Variants in ESRRG observed in about 807,000 individuals in gnomAD.
ESRRG encodes estrogen related receptor gamma, also known as estrogen-related receptor gamma.
In ESRRG, 13 loss-of-function variants were observed where a neutral mutation model predicts 44.0. That is an observed-to-expected ratio of 0.30 (90% confidence interval 0.19 to 0.47). ESRRG has a LOEUF of 0.47. Among genes scored for constraint, ESRRG ranks in the 20% least tolerant of loss-of-function variants. ESRRG has a pLI of 1.00. For synonymous variants in ESRRG, 215 were observed against 214.6 expected (o/e 1.00, Z -0.02); for missense variants, 395 against 580.6 (o/e 0.68, Z 3.29).
chr1:216,927,443 C>G (rs1466780380), intron 2 of ESRRG, among the ~76,000 whole-genome samples: 1 of 152,096 alleles, frequency 6.6e-6, no homozygotes, highest in Non-Finnish European at 1.5e-5. Context: ...GCAAAGTGAC[C>G]AGTGAGAATA....
intron 3 of ESRRG, among the ~76,000 whole-genome samples, chr1:216,622,705 T>C (rs2062468703): frequency 6.6e-6 from 1 of 152,158 alleles, no homozygotes; most frequent in South Asian, 2.1e-4. Context: ...TTCTGCTTCT[T>C]GTAAACTCAG....
At chr1:216,771,226 A>G (rs1237560568) in intron 2 of ESRRG, among the ~76,000 whole-genome samples, 2 of 152,192 alleles carry the variant, frequency 1.3e-5, no homozygotes, top group Non-Finnish European at 2.9e-5. Context: ...AATAAATAAC[A>G]GAAGAAAATG....
chr1:217,114,667 C>CTTTTTTTTTTTTTTTTTTTTTTTTT (rs139701773), intron 1 of ESRRG, among the ~76,000 whole-genome samples: 1 of 107,254 alleles, frequency 9.3e-6, no homozygotes, highest in Non-Finnish European at 1.8e-5. Context: ...CAAAAGATTT[C>CTTTTTTTTTTTTTTTTTTTTTTTTT]TTTTTTTTTT....
chr1:216,886,115 G>C (rs1217798701), intron 2 of ESRRG, among the ~76,000 whole-genome samples: 1 of 152,038 alleles, frequency 6.6e-6, no homozygotes, highest in Non-Finnish European at 1.5e-5. Flanking sequence ...TAATCTCTGA[G>C]TAGACGTGTC....
chr1:217,137,436 C>G (rs1281979293), intron 1 of ESRRG, among the ~76,000 whole-genome samples: 2 of 152,234 alleles, frequency 1.3e-5, no homozygotes, highest in African/African-American at 4.8e-5. Flanking sequence ...CATGGCTCCA[C>G]GCAGGCGTTT....
chr1:216,976,709 A>G (rs897334185), intron 1 of ESRRG, among the ~76,000 whole-genome samples: 5 of 152,114 alleles, frequency 3.3e-5, no homozygotes, highest in African/African-American at 1.2e-4. Flanking sequence ...AGTTAGACTC[A>G]TTTTTATTAC....
intron 5 of ESRRG, among the ~76,000 whole-genome samples, chr1:216,524,211 A>C (rs2046944066): frequency 7.2e-6 from 1 of 138,800 alleles, no homozygotes; most frequent in Non-Finnish European, 1.5e-5. Flanking sequence ...GCTTGTAGGA[A>C]ACTTTATATA....
chr1:216,907,585 G>A (rs1474232208), intron 2 of ESRRG, among the ~76,000 whole-genome samples: 2 of 152,172 alleles, frequency 1.3e-5, no homozygotes, highest in Admixed American at 1.3e-4. Context: ...CCAAGGAATA[G>A]CGCCTTCCCT....
chr1:216,815,681 C>G (rs9803643), intron 2 of ESRRG, among the ~76,000 whole-genome samples: 8,426 of 152,202 alleles, frequency 0.055, 742 homozygotes, highest in African/African-American at 0.18. Flanking sequence ...CATTTGTGTT[C>G]GGTTCAGCGC....
chr1:216,782,514 C>T (rs907722200), intron 2 of ESRRG, among the ~76,000 whole-genome samples: 3 of 152,028 alleles, frequency 2.0e-5, no homozygotes, highest in African/African-American at 4.8e-5. Flanking sequence ...ACTTATTGAT[C>T]TTTGTGAAAC....
intron 1 of ESRRG, among the ~76,000 whole-genome samples, chr1:217,030,645 T>C (rs544075901): frequency 3.3e-5 from 5 of 152,342 alleles, no homozygotes; most frequent in Non-Finnish European, 5.9e-5. Context: ...CTTTGCTCAC[T>C]GATATGTCAA....
chr1:216,731,515 A>C (rs1362358809), intron 2 of ESRRG, among the ~76,000 whole-genome samples: 1 of 152,244 alleles, frequency 6.6e-6, no homozygotes, highest in Non-Finnish European at 1.5e-5. Flanking sequence ...TGATGAGAAC[A>C]TATCACATTC....
intron 2 of ESRRG, among the ~76,000 whole-genome samples, chr1:216,937,184 T>C (rs1410515340): frequency 6.6e-6 from 1 of 150,868 alleles, no homozygotes; most frequent in Non-Finnish European, 1.5e-5. Context: ...TTCTCAGTCA[T>C]AAATAAATAG....
chr1:216,539,455 C>T (rs115857246), intron 5 of ESRRG, among the ~76,000 whole-genome samples: 2 of 151,964 alleles, frequency 1.3e-5, no homozygotes, highest in Non-Finnish European at 2.9e-5. Flanking sequence ...CCCCTTCCCC[C>T]CTACCTTGTT....
chr1:216,999,671 G>A (rs765258477), intron 1 of ESRRG, among the ~76,000 whole-genome samples: 3 of 152,114 alleles, frequency 2.0e-5, no homozygotes, highest in East Asian at 1.9e-4. Context: ...TCGCTTGTTC[G>A]TTCAGCAAAC....
chr1:216,526,311 T>C (rs963848082), intron 5 of ESRRG, among the ~76,000 whole-genome samples: 1 of 152,128 alleles, frequency 6.6e-6, no homozygotes, highest in Non-Finnish European at 1.5e-5. Flanking sequence ...CACATTAAGA[T>C]GAGGTCATTA....
In ESRRG at chr1:217,077,879, G is replaced by A. The variant is rs143132837; in HGVS notation, c.-106+11628C>T. 2.6e-5 allele frequency among the ~76,000 whole-genome samples: 4 copies of A among 152,222 alleles called. No homozygotes were observed. The East Asian group carries it at 7.7e-4, about 29-fold the overall frequency. ...AAATTTAGAAGTTTTATAGTTTAAT[G>A]CCCACAGTAATTGTCCCACAAGTCA... On this transcript the variant is annotated intron_variant, in intron 1 of 7. Coordinates refer to the ESRRG transcript ENST00000359162.
intron 3 of ESRRG, among the ~76,000 whole-genome samples, chr1:216,609,159 G>A (rs61817011): frequency 1.3e-3 from 197 of 152,300 alleles, no homozygotes; most frequent in Admixed American, 2.2e-3. Context: ...ACACACTTAC[G>A]ACATCATATA....
At chr1:217,122,198 A>G (rs1443178472) in intron 1 of ESRRG, among the ~76,000 whole-genome samples, 1 of 152,208 alleles carries the variant, frequency 6.6e-6, no homozygotes, top group Non-Finnish European at 1.5e-5. Context: ...GCTAAATAAT[A>G]TAGACTTTCA....
Sources: allele counts gnomAD v4.1 joint callset (sites outside exome capture counted in the v4.1 genomes callset), GRCh38; gene constraint gnomAD v4.1.1; transcripts MANE v1.5; gene names NCBI Gene and HGNC (gene_info 2026-07-23, HGNC 2026-07-21).